KBTBD12: variants seen among roughly 807,000 people sequenced by gnomAD.
KBTBD12 encodes kelch repeat and BTB domain-containing protein 12.
In KBTBD12, 53 loss-of-function variants were observed where a neutral mutation model predicts 58.7. The observed-to-expected ratio is 0.90, with a 90% CI of 0.72 to 1.14. The LOEUF is 1.14. KBTBD12 is among the 50% of genes most tolerant of loss of function. The pLI is 0.00. For missense variants in KBTBD12, 704 were observed against 751.3 expected, an observed-to-expected ratio of 0.94 and a Z score of 0.74; for synonymous variants, 236 against 259.8, an observed-to-expected ratio of 0.91 and a Z score of 0.88.
intron 4 of KBTBD12, 104 bp downstream of exon 4, chr3:127,930,387 A>G (rs1283306287): frequency 1.6e-5 from 15 of 940,312 alleles, no homozygotes; most frequent in Non-Finnish European, 2.4e-5. Flanking sequence ...TTCCAGTTCA[A>G]ATTTATATAC....
chr3:127,984,082 T>G lies in KBTBD12; in HGVS notation c.1691-15T>G. The stretch of plus-strand genomic sequence containing the variant: ...CCACATGAGATTTTTGTCTTCCCAC[T>G]TTGCTGTTTTTCAGATCGCCATGAG... On this transcript the variant is annotated splice_polypyrimidine_tract_variant and intron_variant, in intron 5 of 5. Coordinates refer to ENST00000405109, the MANE Select transcript of KBTBD12 (RefSeq NM_207335.4). 1 of 1,609,492 alleles carries G rather than the reference T, an allele frequency of 6.2e-7. No individual in the cohort carries two copies. The highest frequency in any genetic ancestry group is 8.5e-7 in the Non-Finnish European group (1 of 1,177,332).
At chr3:127,944,678 A>G (rs562039068) in intron 4 of KBTBD12, among the ~76,000 whole-genome samples, 6 of 151,854 alleles carry the variant, frequency 4.0e-5, no homozygotes, top group East Asian at 1.9e-4. Context: ...TTTCTTGTCT[A>G]TTTGCTCTTG....
intron 4 of KBTBD12, among the ~76,000 whole-genome samples, chr3:127,952,077 T>C (rs1401944847): frequency 2.0e-5 from 3 of 152,218 alleles, no homozygotes; most frequent in Non-Finnish European, 4.4e-5. Context: ...TCCCAAGTTA[T>C]CACACTCTTC....
Position 127,984,607 on chromosome 3 carries a change from T to G in KBTBD12, c.*329T>G. On this transcript the variant is annotated 3_prime_UTR_variant, in exon 6 of 6. Transcript: ENST00000405109. ...GCCAAGGAGCAGACCTTTTATTGGG[T>G]CCCCAAAAGGATGAGGAGGAAGTGG... 1 of 191,380 alleles carries G rather than the reference T, an allele frequency of 5.2e-6. No homozygotes were observed. 11.9% of individuals were successfully genotyped at this position (191,380 alleles called of 1,614,324 possible).
rs546854399 is a variant in KBTBD12 at position 127,964,225 on chromosome 3, C to A, written c.1690+839C>A. On this transcript the variant is annotated intron_variant, in intron 5 of 5. Coordinates refer to ENST00000405109, the MANE Select transcript of KBTBD12 (RefSeq NM_207335.4). ...CAGTACATACCCATGAAAACATGTGCCTCAAGAGCACTTAGAATTTTGGAA... is the reference window on the plus strand; with the variant it reads ...CAGTACATACCCATGAAAACATGTGACTCAAGAGCACTTAGAATTTTGGAA... Among the ~76,000 whole-genome samples, 22 of 152,176 alleles carry A rather than the reference C, an allele frequency of 1.4e-4. No homozygotes were observed. The South Asian group carries it at 4.1e-3, about 29-fold the overall frequency.
intron 4 of KBTBD12, among the ~76,000 whole-genome samples, chr3:127,941,992 G>A (rs1025665322): frequency 1.3e-5 from 2 of 152,106 alleles, no homozygotes; most frequent in African/African-American, 4.8e-5. Context: ...ACATCATAGT[G>A]GAAGTCTTAA....
intron 3 of KBTBD12, among the ~76,000 whole-genome samples, chr3:127,929,814 G>C (rs1474332218): frequency 6.6e-6 from 1 of 151,704 alleles, no homozygotes; most frequent in African/African-American, 2.4e-5. Flanking sequence ...TACTATTCAA[G>C]AGAGCTTGGT....
intron 4 of KBTBD12, among the ~76,000 whole-genome samples, chr3:127,933,814 A>G (rs1939765391): frequency 6.6e-6 from 1 of 152,210 alleles, no homozygotes; most frequent in Non-Finnish European, 1.5e-5. Flanking sequence ...AGGCTAAAAT[A>G]TAAAAATGAT....
intron 4 of KBTBD12, among the ~76,000 whole-genome samples, chr3:127,933,166 T>C (rs1357509236): frequency 6.6e-6 from 1 of 152,140 alleles, no homozygotes; most frequent in Non-Finnish European, 1.5e-5. Context: ...CAATCATAAA[T>C]AACAAATTGA....
In KBTBD12 at chr3:127,963,036, A is replaced by G. The variant is rs142253829; in HGVS notation, c.1493-153A>G. ...TATGGAGTACACAGTAGACATCACT[A>G]TTGCTTAGAACTTGTCTTCAAGGTA... On this transcript the variant is annotated intron_variant, in intron 4 of 5. Transcript: ENST00000405109. Among the ~76,000 whole-genome samples, 649 of 152,350 alleles carry G rather than the reference A, an allele frequency of 4.3e-3. 9 individuals carry two copies. The highest frequency in any genetic ancestry group is 0.028 in the South Asian group (133 of 4,826).
At chr3:127,949,121 C>G (rs555984489) in intron 4 of KBTBD12, among the ~76,000 whole-genome samples, 2 of 152,196 alleles carry the variant, frequency 1.3e-5, no homozygotes, top group East Asian at 1.9e-4. Context: ...GAATTCCATG[C>G]GATGATTGCT....
chr3:127,947,761 C>T (rs560338404), intron 4 of KBTBD12, among the ~76,000 whole-genome samples: 4 of 152,318 alleles, frequency 2.6e-5, no homozygotes, highest in Non-Finnish European at 4.4e-5. Context: ...GCCAAAAACC[C>T]CCCTGGTCTC....
At chr3:127,929,666 C>G (rs1403076244) in intron 3 of KBTBD12, among the ~76,000 whole-genome samples, 1 of 152,058 alleles carries the variant, frequency 6.6e-6, no homozygotes, top group East Asian at 1.9e-4. Flanking sequence ...TATGAAGACA[C>G]TACAATGTTT....
At chr3:127,958,065 C>G (rs1940354460) in intron 4 of KBTBD12, among the ~76,000 whole-genome samples, 1 of 152,162 alleles carries the variant, frequency 6.6e-6, no homozygotes, top group African/African-American at 2.4e-5. Context: ...TAGAGACAAA[C>G]AGCCTCCCTT....
intron 1 of KBTBD12, among the ~76,000 whole-genome samples, chr3:127,917,568 G>A (rs1261432619): frequency 6.6e-6 from 1 of 152,158 alleles, no homozygotes; most frequent in Admixed American, 6.5e-5. Context: ...AAGTCCCAAT[G>A]CTCTAATCCT....
At chr3:127,943,030 C>T (rs112815936) in intron 4 of KBTBD12, among the ~76,000 whole-genome samples, 78 of 152,130 alleles carry the variant, frequency 5.1e-4, no homozygotes, top group Non-Finnish European at 8.4e-4. Context: ...GAAAACAGCA[C>T]GAAGCCATTT....
intron 4 of KBTBD12, among the ~76,000 whole-genome samples, chr3:127,957,501 T>C (rs1017233112): frequency 4.3e-4 from 66 of 152,192 alleles, no homozygotes; most frequent in African/African-American, 1.5e-3. Context: ...CAGACAGCAG[T>C]CATTTTTCTC....
Position 127,927,844 on chromosome 3 carries a change from A to G in KBTBD12, c.1151A>G (p.His384Arg). Residue 384 changes from histidine to arginine, a missense_variant, in exon 3 of 6, where the codon CAT (histidine) becomes CGT (arginine). Physicochemically the swap from His to Arg is conservative, Grantham distance 29. Transcript: ENST00000405109. ...GAACTCTATGCTCTGGGCAGTATTC[A>G]TAATGACCTTTATGTTATAGGAGGA... ...FRELYALGSI[H>R]NDLYVIGGQM... is the part of the protein sequence containing the mutation. The G allele has an allele frequency of 6.2e-7, 1 of 1,612,534 alleles. No individual in the cohort carries two copies. Among genetic ancestry groups the G allele is most frequent in the Non-Finnish European group, 8.5e-7 (1 of 1,179,130 alleles).
intron 5 of KBTBD12, among the ~76,000 whole-genome samples, chr3:127,979,230 A>G (rs1190952301): frequency 6.6e-6 from 1 of 152,236 alleles, no homozygotes; most frequent in African/African-American, 2.4e-5. Flanking sequence ...AGGAACCAAG[A>G]AAATATCAGA....
Sources: gnomAD v4.1 joint callset for allele counts (sites outside exome capture counted in the v4.1 genomes callset) on GRCh38, gnomAD v4.1.1 for gene constraint, MANE v1.5 for transcripts, NCBI Gene and HGNC (gene_info 2026-07-23, HGNC 2026-07-21) for gene names.